Variants in CADPS2 observed in about 807,000 individuals in gnomAD.
CADPS2 encodes calcium dependent secretion activator 2, also known as calcium-dependent secretion activator 2.
CADPS2 carries 93 observed loss-of-function variants against 172.5 expected under a neutral mutation model. The observed-to-expected ratio is 0.54, with a 90% confidence interval of 0.46 to 0.64. The LOEUF (loss-of-function observed/expected upper bound fraction) is 0.64, where lower values mean the gene tolerates loss of function less well. CADPS2 is among the 30% of genes least tolerant of loss of function. CADPS2 has a pLI of 0.00. For synonymous variants in CADPS2, 546 were observed against 555.2 expected, an observed-to-expected ratio of 0.98 and a Z score of 0.23; for missense variants, 1,420 against 1,565.9, an observed-to-expected ratio of 0.91 and a Z score of 1.57.
At chr7:122,418,192 T>C (rs891377487) in intron 17 of CADPS2, among the ~76,000 whole-genome samples, 3 of 151,982 alleles carry the variant, frequency 2.0e-5, no homozygotes, top group Admixed American at 2.0e-4. Flanking sequence ...AAAAGTTACA[T>C]TTTCTTGAGA....
chr7:122,485,517 G>T (rs1161609263), intron 11 of CADPS2, among the ~76,000 whole-genome samples: 1 of 152,194 alleles, frequency 6.6e-6, no homozygotes, highest in Non-Finnish European at 1.5e-5. Context: ...TTCTATGACA[G>T]CTGAGAGAGG....
In CADPS2 at chr7:122,571,064, C is replaced by T. The variant is rs558009767; in HGVS notation, c.1335+10115G>A. 2.0e-5 allele frequency among the ~76,000 whole-genome samples: 3 copies of T among 151,914 alleles called. No homozygotes were observed. The South Asian group carries it at 6.2e-4, about 32-fold the overall frequency. ...TAAAAAAATTTAAAAAAGAGAATAA[C>T]AGGACAAGCCAAAGACTGAGAGAAA... is the stretch of plus-strand genomic sequence containing the variant. On this transcript the variant is annotated intron_variant, in intron 7 of 29. Coordinates refer to ENST00000449022, the MANE Select transcript of CADPS2 (RefSeq NM_017954.11).
chr7:122,366,323 G>A (rs563935175), intron 25 of CADPS2, among the ~76,000 whole-genome samples: 19 of 151,316 alleles, frequency 1.3e-4, no homozygotes, highest in African/African-American at 2.9e-4. Context: ...AATACGAGGC[G>A]GCCAGGTGTG....
chr7:122,634,397 T>C (rs2076860274), intron 3 of CADPS2, among the ~76,000 whole-genome samples: 1 of 152,168 alleles, frequency 6.6e-6, no homozygotes, highest in African/African-American at 2.4e-5. Flanking sequence ...GGTTCAATCT[T>C]GGGAGGTTGT....
chr7:122,541,513 G>T (rs1418407727), intron 8 of CADPS2, among the ~76,000 whole-genome samples: 45 of 136,452 alleles, frequency 3.3e-4, no homozygotes, highest in South Asian at 1.1e-3. Flanking sequence ...GCCAATTTTT[G>T]TTTTTTTTTT....
intron 2 of CADPS2, among the ~76,000 whole-genome samples, chr7:122,688,660 CGA>C: frequency 1.3e-5 from 2 of 152,276 alleles, no homozygotes; most frequent in Middle Eastern, 6.8e-3. Context: ...TCTCTGGGCA[CGA>C]GAGTCCCTAT....
At position 122,360,705 on chromosome 7, in the gene CADPS2, G is replaced by A. The variant is rs922724507; in HGVS notation, c.3504+83C>T. ...CCTAAGGGAATGGCACTGGTTTAAA[G>A]ATTTGAAATAAACCCATGATGAACT... On this transcript the variant is annotated intron_variant, in intron 27 of 29. Coordinates refer to ENST00000449022, the MANE Select transcript of CADPS2 (RefSeq NM_017954.11). 4.0e-6 allele frequency: 5 copies of A among 1,251,790 alleles called. No homozygotes were observed. The African/African-American group carries it at 7.6e-5, about 19-fold the overall frequency. The allele number at this position is 1,251,790 out of a possible 1,614,324, so 77.5% of individuals were successfully genotyped here. A position where few individuals can be genotyped will look rare whatever the true frequency, so the allele number is the denominator to read the frequency against.
At chr7:122,651,417 C>T (rs980731255) in intron 3 of CADPS2, among the ~76,000 whole-genome samples, 1 of 152,176 alleles carries the variant, frequency 6.6e-6, no homozygotes, top group East Asian at 1.9e-4. Flanking sequence ...AAGACACCCA[C>T]GGTGACCACA....
At chr7:122,492,153 C>T (rs11979156) in intron 9 of CADPS2, among the ~76,000 whole-genome samples, 4,546 of 151,868 alleles carry the variant, frequency 0.03, 198 homozygotes, top group African/African-American at 0.1. Context: ...GCCTGGACGA[C>T]AGAGCGAGAC....
chr7:122,397,639 T>C (rs2045333210), intron 20 of CADPS2, among the ~76,000 whole-genome samples: 1 of 152,168 alleles, frequency 6.6e-6, no homozygotes, highest in Non-Finnish European at 1.5e-5. Flanking sequence ...ATTCCACTCC[T>C]ATCAGACACT....
intron 3 of CADPS2, among the ~76,000 whole-genome samples, chr7:122,662,801 T>TA (rs898759271): frequency 6.6e-6 from 1 of 152,192 alleles, no homozygotes; most frequent in East Asian, 1.9e-4. Context: ...ATGAGTTAAA[T>TA]AAAAAAATTT....
chr7:122,550,828 C>G (rs1236275627), intron 8 of CADPS2, among the ~76,000 whole-genome samples: 1 of 151,996 alleles, frequency 6.6e-6, no homozygotes, highest in Non-Finnish European at 1.5e-5. Context: ...TTTAACCATT[C>G]AAAACATAGC....
intron 22 of CADPS2, among the ~76,000 whole-genome samples, chr7:122,389,700 C>CA (rs565021466): frequency 8.6e-5 from 13 of 151,040 alleles, no homozygotes; most frequent in Admixed American, 2.0e-4. Flanking sequence ...AAAGCAAAAG[C>CA]AAAAAAAAGC....
At position 122,663,350 on chromosome 7, in the gene CADPS2, C is replaced by T. The variant is rs1473707505; in HGVS notation, c.673G>A (p.Ala225Thr). 2 of 1,613,886 alleles carry T rather than the reference C, an allele frequency of 1.2e-6. No homozygotes were observed. The highest frequency in any genetic ancestry group is 1.7e-6 in the Non-Finnish European group (2 of 1,179,848). Residue 225 changes from alanine (A) to threonine (T), a missense_variant, in exon 3 of 30, where the codon GCC becomes ACC. Physicochemically the swap from Ala to Thr is moderately conservative, Grantham distance 58. Coordinates refer to ENST00000449022, the MANE Select transcript of CADPS2 (RefSeq NM_017954.11). ...EDLCKQPNRM[A>T]LSAVSELILS... is the part of the protein sequence containing the mutation. Reference sequence around the variant, plus strand: ...ATAAGTTCAGACACTGCACTTAGGGCCATTCTATTTGGCTGTTTGCACAAG... The same window carrying T: ...ATAAGTTCAGACACTGCACTTAGGGTCATTCTATTTGGCTGTTTGCACAAG...
At position 122,705,748 on chromosome 7, in the gene CADPS2, A is replaced by ATATCATATAT. The variant is rs1554736039; in HGVS notation, c.453+31206_453+31207insATATATGATA. On this transcript the variant is annotated intron_variant, in intron 2 of 29. Transcript: ENST00000449022. ...TATCATATATTATATAATATATAAT[A>ATATCATATAT]TATATAATATATAATATATGATATA... Among the ~76,000 whole-genome samples the ATATCATATAT allele has an allele frequency of 6.5e-3, 62 of 9,484 alleles. 18 individuals carry two copies. Among genetic ancestry groups the ATATCATATAT allele is most frequent in the Admixed American group, 0.02 (7 of 348 alleles). 6.2% of individuals were successfully genotyped at this position (9,484 alleles called of 152,430 possible). A position where few individuals can be genotyped will look rare whatever the true frequency, so the allele number is the denominator to read the frequency against.
In CADPS2 at chr7:122,325,457, T is replaced by A. The variant is rs765500425; in HGVS notation, c.3717+20A>T. 7 of 1,503,458 alleles carry A rather than the reference T, an allele frequency of 4.7e-6. No homozygotes were observed. The South Asian group carries it at 8.2e-5, about 18-fold the overall frequency. The allele number at this position is 1,503,458 out of a possible 1,614,324, so 93.1% of individuals were successfully genotyped here. ...CTTATAGCTTAGTGGGCAATTCATA[T>A]CTAAACACATTTTGTTTACCTTCAC... On this transcript the variant is annotated intron_variant, in intron 29 of 29. Transcript: ENST00000449022.
chr7:122,724,392 A>T (rs2090860255), intron 2 of CADPS2, among the ~76,000 whole-genome samples: 1 of 151,994 alleles, frequency 6.6e-6, no homozygotes, highest in Admixed American at 6.6e-5. Context: ...TCAGTGTCGT[A>T]TAAGCCATGG....
At chr7:122,447,073 C>A (rs2052347052) in intron 15 of CADPS2, among the ~76,000 whole-genome samples, 1 of 123,080 alleles carries the variant, frequency 8.1e-6, no homozygotes, top group South Asian at 2.8e-4. Context: ...CATTCCCCCA[C>A]TATAAACAAA....
intron 8 of CADPS2, among the ~76,000 whole-genome samples, chr7:122,518,767 G>C (rs2060564545): frequency 6.6e-6 from 1 of 151,912 alleles, no homozygotes; most frequent in Non-Finnish European, 1.5e-5. Context: ...ACATTTAACT[G>C]GGTTTTATGT....
Sources: allele counts gnomAD v4.1 joint callset (sites outside exome capture counted in the v4.1 genomes callset), GRCh38; gene constraint gnomAD v4.1.1; transcripts MANE v1.5; gene names NCBI Gene and HGNC (gene_info 2026-07-23, HGNC 2026-07-21).